Variants in CEP152 observed in about 807,000 individuals in gnomAD.
CEP152 encodes the protein centrosomal protein 152.
In CEP152, 132 loss-of-function variants were observed where a neutral mutation model predicts 188.9. The ratio of observed to expected loss-of-function variants is 0.70; its 90% CI spans 0.61 to 0.81. The LOEUF (loss-of-function observed/expected upper bound fraction) is 0.81, where lower values mean the gene tolerates loss of function less well. Among genes scored for constraint, CEP152 ranks in the 30% least tolerant of loss-of-function variants. The pLI, the probability that CEP152 is intolerant of heterozygous loss-of-function variation, is 0.00. For missense variants in CEP152, 1,914 were observed against 1,969.8 expected (o/e 0.97, Z 0.54); for synonymous variants, 649 against 666.6 (o/e 0.97, Z 0.41).
chr15:48,753,196 T>G (rs1256251909), intron 20 of CEP152, among the ~76,000 whole-genome samples: 1 of 152,190 alleles, frequency 6.6e-6, no homozygotes, highest in African/African-American at 2.4e-5. Flanking sequence ...TGAAGGGCAT[T>G]GGCGCGATCT....
At chr15:48,790,339 G>C (rs1337833257) in intron 8 of CEP152, among the ~76,000 whole-genome samples, 2 of 152,200 alleles carry the variant, frequency 1.3e-5, no homozygotes, top group African/African-American at 4.8e-5. Context: ...GATAGTTATA[G>C]AGTAATAGAA....
downstream of CEP152, among the ~76,000 whole-genome samples, chr15:48,736,180 T>C (rs1437740045): frequency 6.6e-6 from 1 of 152,178 alleles, no homozygotes; most frequent in African/African-American, 2.4e-5. Flanking sequence ...CAGCCCAGGC[T>C]AGATGCCTTC....
chr15:48,735,956 G>C (rs901480381), downstream of CEP152, among the ~76,000 whole-genome samples: 2 of 152,114 alleles, frequency 1.3e-5, no homozygotes, highest in Non-Finnish European at 2.9e-5. Flanking sequence ...AGGAATGAAA[G>C]GGGGACATCA....
intron 17 of CEP152, among the ~76,000 whole-genome samples, chr15:48,763,039 T>G (rs1443191797): frequency 6.6e-6 from 1 of 152,044 alleles, no homozygotes; most frequent in Non-Finnish European, 1.5e-5. Flanking sequence ...CACCATGCTC[T>G]CCACAAAGGA....
At chr15:48,799,393 T>C (rs1897530935) in intron 2 of CEP152, among the ~76,000 whole-genome samples, 1 of 152,142 alleles carries the variant, frequency 6.6e-6, no homozygotes, top group Non-Finnish European at 1.5e-5. Flanking sequence ...TGAAATAAAA[T>C]TTGGGAATGG....
At chr15:48,764,540 T>C (rs1183021488) in intron 17 of CEP152, among the ~76,000 whole-genome samples, 2 of 152,200 alleles carry the variant, frequency 1.3e-5, no homozygotes, top group African/African-American at 4.8e-5. Context: ...TACAATTGTA[T>C]AAATAAGCCT....
At chr15:48,768,181 C>G (rs1287958695) in intron 15 of CEP152, 38 bp downstream of exon 15, 1 of 1,193,480 alleles carries the variant, frequency 8.4e-7, no homozygotes, top group Non-Finnish European at 1.3e-6. Context: ...GGGAAGGGTA[C>G]CCAGGAGACA....
intron 17 of CEP152, among the ~76,000 whole-genome samples, chr15:48,764,112 C>G (rs1894890040): frequency 6.6e-6 from 1 of 152,110 alleles, no homozygotes. Flanking sequence ...AAGTGCCTGG[C>G]AAATAAAAAT....
At chr15:48,737,190 C>T (rs1040324586), downstream of CEP152, among the ~76,000 whole-genome samples, 2 of 152,054 alleles carry the variant, frequency 1.3e-5, no homozygotes. Flanking sequence ...TGCATCTTGC[C>T]GTCTCCCCAT....
intron 2 of CEP152, among the ~76,000 whole-genome samples, chr15:48,730,052 G>C (rs1205401892): frequency 6.6e-6 from 1 of 151,828 alleles, no homozygotes; most frequent in Non-Finnish European, 1.5e-5. Flanking sequence ...AACCATTTCA[G>C]GGCTCCAAAA....
intron 2 of CEP152, among the ~76,000 whole-genome samples, chr15:48,802,536 T>C (rs1897734486): frequency 6.6e-6 from 1 of 152,208 alleles, no homozygotes; most frequent in African/African-American, 2.4e-5. Context: ...CCTTTATGCC[T>C]TGACTCACAG....
Position 48,756,053 on chromosome 15 carries a change from A to T in CEP152, c.3195T>A (p.Ser1065=), listed in dbSNP as rs1894234608. The T allele has an allele frequency of 1.2e-6, 2 of 1,614,126 alleles. No individual in the cohort carries two copies. The highest frequency in any genetic ancestry group is 1.7e-6 in the Non-Finnish European group (2 of 1,180,004). The change falls in exon 20 of 27, where the codon TCT becomes TCA. Residue 1065 remains serine, a synonymous_variant. Transcript: ENST00000380950. ...SDTQKEHISD[S]EDKQLLEIMS... Reference sequence around the variant, plus strand: ...TGATTTCCAAAAGCTGCTTGTCCTCAGAATCACTGATGTGCTCCTTTTGGG... The same window carrying T: ...TGATTTCCAAAAGCTGCTTGTCCTCTGAATCACTGATGTGCTCCTTTTGGG...
intron 12 of CEP152, 108 bp downstream of exon 12, chr15:48,781,088 G>T: frequency 2.1e-6 from 2 of 947,172 alleles, no homozygotes; most frequent in Non-Finnish European, 3.4e-6. Flanking sequence ...TCAATACACA[G>T]TGTTAACATA....
Position 48,756,457 on chromosome 15 carries a change from T to C in CEP152, c.2791A>G (p.Ile931Val). 2 of 1,613,656 alleles carry C rather than the reference T, an allele frequency of 1.2e-6. No individual in the cohort carries two copies. Among genetic ancestry groups the C allele is most frequent in the South Asian group, 1.1e-5 (1 of 91,070 alleles). ...TCAAGTTCCTTCTGAAGAGAATGAA[T>C]CTTCTCTTCCAATTCCTTTCCAGGA... ...ILPGKELEEKIHSLQKELELK... is the reference protein window; with the variant it reads ...ILPGKELEEKVHSLQKELELK... The change falls in exon 20 of 27, where the codon ATT becomes GTT. Residue 931 changes from isoleucine to valine, a missense_variant. Coordinates refer to ENST00000380950, the MANE Select transcript of CEP152 (RefSeq NM_001194998.2).
chr15:48,773,914 A>G (rs1162882842), intron 12 of CEP152, among the ~76,000 whole-genome samples: 1 of 152,214 alleles, frequency 6.6e-6, no homozygotes, highest in African/African-American at 2.4e-5. Context: ...AGAAAGAAGT[A>G]GGAAAAAAAT....
At chr15:48,806,661 G>C (rs1001090970) in intron 1 of CEP152, among the ~76,000 whole-genome samples, 1 of 152,136 alleles carries the variant, frequency 6.6e-6, no homozygotes, top group Non-Finnish European at 1.5e-5. Context: ...CAATCCAAAT[G>C]CATTTTACCA....
chr15:48,788,715 C>G, intron 9 of CEP152, 86 bp downstream of exon 9: 1 of 1,247,768 alleles, frequency 8.0e-7, no homozygotes, highest in East Asian at 2.3e-5. Context: ...TCCAAGACTT[C>G]TATATGATGA....
At chr15:48,780,569 A>C (rs1896178936) in intron 12 of CEP152, among the ~76,000 whole-genome samples, 1 of 152,224 alleles carries the variant, frequency 6.6e-6, no homozygotes, top group Non-Finnish European at 1.5e-5. Flanking sequence ...GTAAGGGCCA[A>C]ACGCATCCAA....
intron 12 of CEP152, chr15:48,773,583 A>G (rs1490584875): frequency 6.6e-6 from 1 of 152,244 alleles, no homozygotes; most frequent in Non-Finnish European, 1.5e-5. Flanking sequence ...TCTGTTCTGT[A>G]TGAGTGGCTA....
Sources: gnomAD v4.1 joint callset for allele counts (sites outside exome capture counted in the v4.1 genomes callset) on GRCh38, gnomAD v4.1.1 for gene constraint, MANE v1.5 for transcripts, NCBI Gene and HGNC (gene_info 2026-07-23, HGNC 2026-07-21) for gene names.